Variants in RYR2 observed in about 807,000 individuals in gnomAD.
RYR2 encodes the protein cardiac muscle ryanodine receptor-calcium release channel.
A neutral mutation model predicts 601.1 loss-of-function variants in RYR2; 227 were observed. The ratio of observed to expected loss-of-function variants is 0.38; its 90% confidence interval spans 0.34 to 0.42. RYR2 has a LOEUF of 0.42. Ranked by LOEUF, RYR2 falls within the 10% of genes least tolerant of loss-of-function variation. The pLI is 1.00. For synonymous variants in RYR2, 2,223 were observed against 2,175.1 expected (o/e 1.02, Z -0.61); for missense variants, 4,646 against 6,156.5 (o/e 0.75, Z 8.21).
intron 58 of RYR2, among the ~76,000 whole-genome samples, chr1:237,670,134 C>T (rs1019649949): frequency 4.6e-5 from 7 of 151,970 alleles, no homozygotes; most frequent in Admixed American, 2.0e-4. Context: ...CAAAAAAATA[C>T]GAAAACCAGT....
At chr1:237,253,045 A>G (rs545325243) in intron 1 of RYR2, among the ~76,000 whole-genome samples, 6 of 151,906 alleles carry the variant, frequency 3.9e-5, no homozygotes, top group African/African-American at 1.2e-4. Flanking sequence ...CACGCCTGTA[A>G]TCCCAGATAC....
intron 63 of RYR2, among the ~76,000 whole-genome samples, chr1:237,692,289 C>T (rs1415110620): frequency 1.3e-5 from 2 of 152,200 alleles, no homozygotes; most frequent in Non-Finnish European, 2.9e-5. Context: ...TCTCTTTCCA[C>T]TCCGGAACCC....
intron 17 of RYR2, among the ~76,000 whole-genome samples, chr1:237,486,193 A>T (rs1662666750): frequency 6.6e-6 from 1 of 152,208 alleles, no homozygotes; most frequent in Admixed American, 6.5e-5. Flanking sequence ...GAAAGGTGTT[A>T]TGTTCAGCTT....
At chr1:237,715,271 A>G (rs1689180455) in intron 71 of RYR2, among the ~76,000 whole-genome samples, 1 of 152,198 alleles carries the variant, frequency 6.6e-6, no homozygotes, top group African/African-American at 2.4e-5. Context: ...GCTGCCCCAA[A>G]GGAGCTGCAT....
chr1:237,460,021 C>T (rs1659293426), intron 16 of RYR2, among the ~76,000 whole-genome samples: 2 of 152,138 alleles, frequency 1.3e-5, no homozygotes. Flanking sequence ...TTGCACAGCT[C>T]GCCGTCTACC....
intron 1 of RYR2, among the ~76,000 whole-genome samples, chr1:237,120,472 T>C (rs1446487946): frequency 6.6e-6 from 1 of 152,172 alleles, no homozygotes; most frequent in Non-Finnish European, 1.5e-5. Context: ...AAGTATTTAA[T>C]AGGGGCCCAG....
chr1:237,415,467 T>G (rs1704881695), intron 10 of RYR2, among the ~76,000 whole-genome samples: 1 of 152,224 alleles, frequency 6.6e-6, no homozygotes, highest in African/African-American at 2.4e-5. Context: ...GTACCCCTGT[T>G]GTGTTATAAT....
chr1:237,299,041 G>T (rs1693086903), intron 2 of RYR2, among the ~76,000 whole-genome samples: 1 of 151,666 alleles, frequency 6.6e-6, no homozygotes. Flanking sequence ...TCATATGCAT[G>T]CCTCTGTTAA....
chr1:237,318,699 T>C (rs929078953), intron 2 of RYR2, among the ~76,000 whole-genome samples: 2 of 152,188 alleles, frequency 1.3e-5, no homozygotes, highest in African/African-American at 2.4e-5. Context: ...TGATGGGATG[T>C]GTATTATTTT....
intron 24 of RYR2, among the ~76,000 whole-genome samples, chr1:237,513,606 A>G (rs1363240604): frequency 6.6e-6 from 1 of 152,222 alleles, no homozygotes; most frequent in Non-Finnish European, 1.5e-5. Context: ...ATGACATCAC[A>G]GTTGTCATAA....
chr1:237,369,040 T>C (rs1343286242), intron 5 of RYR2, among the ~76,000 whole-genome samples: 1 of 151,942 alleles, frequency 6.6e-6, no homozygotes, highest in Non-Finnish European at 1.5e-5. Flanking sequence ...GCCAGGTTGG[T>C]CTCGAACTCC....
intron 2 of RYR2, among the ~76,000 whole-genome samples, chr1:237,308,288 C>G (rs1032658299): frequency 2.0e-5 from 3 of 152,178 alleles, no homozygotes; most frequent in African/African-American, 7.2e-5. Context: ...GAACACATCT[C>G]CCCATATATA....
At chr1:237,733,644 T>C (rs1206957096) in intron 78 of RYR2, 61 bp from the exon 79 acceptor site, 1 of 1,028,642 alleles carries the variant, frequency 9.7e-7, no homozygotes, top group East Asian at 2.4e-5. Flanking sequence ...GCAGCGATGA[T>C]ACGTGTGCAT....
intron 3 of RYR2, among the ~76,000 whole-genome samples, chr1:237,340,014 A>G (rs948153902): frequency 1.3e-5 from 2 of 152,158 alleles, no homozygotes; most frequent in South Asian, 2.1e-4. Context: ...AGGTTCTTTT[A>G]TTGGGAGAAG....
chr1:237,345,290 T>G (rs1377571939), intron 3 of RYR2, among the ~76,000 whole-genome samples: 1 of 152,054 alleles, frequency 6.6e-6, no homozygotes. Flanking sequence ...TAAAAATTTT[T>G]CTGTATTCCT....
intron 2 of RYR2, among the ~76,000 whole-genome samples, chr1:237,313,589 A>G (rs1012136677): frequency 1.3e-5 from 2 of 152,210 alleles, no homozygotes; most frequent in Admixed American, 6.5e-5. Flanking sequence ...AATCTTGATC[A>G]TATTTTTACT....
intron 67 of RYR2, among the ~76,000 whole-genome samples, 151 bp downstream of exon 67, chr1:237,705,494 T>G (rs1348787062): frequency 6.6e-6 from 1 of 152,196 alleles, no homozygotes; most frequent in Non-Finnish European, 1.5e-5. Flanking sequence ...TTCTATGTGA[T>G]GTACCCTGTG....
intron 1 of RYR2, among the ~76,000 whole-genome samples, chr1:237,187,421 G>A (rs1018462539): frequency 6.7e-5 from 9 of 133,716 alleles, no homozygotes; most frequent in Non-Finnish European, 1.1e-4. Context: ...AATTACAGGC[G>A]TGAGCCAACA....
rs1335545090 is a variant in RYR2, at chr1:237,227,725, G to T, written c.49-42772G>T. On this transcript the variant is annotated intron_variant, in intron 1 of 104. Coordinates refer to ENST00000366574, the MANE Select transcript of RYR2 (RefSeq NM_001035.3). ...GAGCGTGCCCTGTGATGGGACGGCG[G>T]CCTGCCCAGGGCGGGTTCTTGCCTG... Among the ~76,000 whole-genome samples the T allele has an allele frequency of 2.0e-5, 3 of 152,196 alleles. No individual in the cohort carries two copies. The East Asian group carries it at 5.8e-4, about 29-fold the overall frequency.
Sources: allele counts gnomAD v4.1 joint callset (sites outside exome capture counted in the v4.1 genomes callset), GRCh38; gene constraint gnomAD v4.1.1; transcripts MANE v1.5; gene names NCBI Gene and HGNC (gene_info 2026-07-23, HGNC 2026-07-21).